The following ERBB4 variants were observed in gnomAD, a reference collection of about 807,000 sequenced individuals.
ERBB4 encodes erb-b2 receptor tyrosine kinase 4.
In ERBB4, 42 loss-of-function variants were observed where a neutral mutation model predicts 158.0. The observed-to-expected ratio is 0.27, with a 90% CI of 0.21 to 0.34. The LOEUF is 0.34. Ranked by LOEUF, ERBB4 falls within the 10% of genes least tolerant of loss-of-function variation. The pLI, the probability that ERBB4 is intolerant of heterozygous loss-of-function variation, is 1.00. For missense variants in ERBB4, 1,333 were observed against 1,624.1 expected, an observed-to-expected ratio of 0.82 and a Z score of 3.08; for synonymous variants, 583 against 558.7, an observed-to-expected ratio of 1.04 and a Z score of -0.61.
At chr2:211,746,878 G>A (rs1443609275) in intron 5 of ERBB4, among the ~76,000 whole-genome samples, 5 of 150,136 alleles carry the variant, frequency 3.3e-5, no homozygotes, top group African/African-American at 4.9e-5. Flanking sequence ...GAAGAACATC[G>A]TGTTTCTTAT....
chr2:211,473,206 T>G (rs1183956337), intron 20 of ERBB4, among the ~76,000 whole-genome samples: 1 of 151,970 alleles, frequency 6.6e-6, no homozygotes, highest in Admixed American at 6.6e-5. Context: ...GATGTGAAGA[T>G]AGAGGCAAAG....
At chr2:211,553,380 A>G (rs2067155519) in intron 20 of ERBB4, among the ~76,000 whole-genome samples, 1 of 152,124 alleles carries the variant, frequency 6.6e-6, no homozygotes, top group African/African-American at 2.4e-5. Context: ...CCTTGTTCCA[A>G]AGGCAAAAAA....
chr2:211,433,862 G>A (rs936944807), intron 20 of ERBB4, among the ~76,000 whole-genome samples: 6 of 151,948 alleles, frequency 3.9e-5, no homozygotes, highest in Non-Finnish European at 7.4e-5. Context: ...AGGGCAATCC[G>A]ACCCCATTTT....
intron 4 of ERBB4, among the ~76,000 whole-genome samples, chr2:211,762,995 T>G (rs1487918865): frequency 6.6e-6 from 1 of 152,186 alleles, no homozygotes; most frequent in Non-Finnish European, 1.5e-5. Flanking sequence ...ATTATTTGCC[T>G]GTTTTTTGTT....
chr2:211,872,382 G>T (rs2078374417), intron 3 of ERBB4, among the ~76,000 whole-genome samples: 1 of 152,090 alleles, frequency 6.6e-6, no homozygotes, highest in Non-Finnish European at 1.5e-5. Context: ...GTATGGTTTT[G>T]AGTGGAAGCC....
intron 20 of ERBB4, among the ~76,000 whole-genome samples, chr2:211,512,170 A>G (rs2065899597): frequency 6.6e-6 from 1 of 152,180 alleles, no homozygotes; most frequent in Admixed American, 6.5e-5. Flanking sequence ...GTGAACTGCA[A>G]GTTGAAGAAC....
intron 1 of ERBB4, among the ~76,000 whole-genome samples, chr2:212,177,363 T>C (rs1302418245): frequency 3.3e-5 from 5 of 151,916 alleles, no homozygotes; most frequent in African/African-American, 1.2e-4. Context: ...AATCAAATAA[T>C]TAAATTGAAA....
At chr2:211,577,946 G>A (rs2067942891) in intron 19 of ERBB4, among the ~76,000 whole-genome samples, 1 of 152,076 alleles carries the variant, frequency 6.6e-6, no homozygotes, top group Non-Finnish European at 1.5e-5. Context: ...ACATAGTATT[G>A]GAAGTTCTGG....
chr2:212,514,612 C>A (rs1336851013), intron 1 of ERBB4, among the ~76,000 whole-genome samples: 2 of 152,096 alleles, frequency 1.3e-5, no homozygotes, highest in East Asian at 3.9e-4. Context: ...CAAGACCATC[C>A]TGGCCAACAT....
intron 1 of ERBB4, among the ~76,000 whole-genome samples, chr2:212,194,193 T>C (rs1011452213): frequency 6.6e-6 from 1 of 151,620 alleles, no homozygotes; most frequent in African/African-American, 2.4e-5. Context: ...ACGGACAGAA[T>C]AGAACAAAGG....
At chr2:212,074,117 T>A (rs897960459) in intron 2 of ERBB4, among the ~76,000 whole-genome samples, 4 of 152,096 alleles carry the variant, frequency 2.6e-5, no homozygotes, top group African/African-American at 9.6e-5. Context: ...AGGCAAAAAT[T>A]CTGCCAAAAC....
At chr2:211,693,937 T>G (rs557228119) in intron 12 of ERBB4, among the ~76,000 whole-genome samples, 2 of 152,248 alleles carry the variant, frequency 1.3e-5, no homozygotes, top group African/African-American at 4.8e-5. Context: ...CAATAGTCGC[T>G]TCTGCTGTCA....
chr2:212,110,428 T>C (rs771084799), intron 2 of ERBB4, among the ~76,000 whole-genome samples: 1 of 152,206 alleles, frequency 6.6e-6, no homozygotes, highest in Non-Finnish European at 1.5e-5. Context: ...CTCTGCTTCC[T>C]TAGGAAGGAT....
At chr2:211,884,882 T>A (rs7600260) in intron 3 of ERBB4, among the ~76,000 whole-genome samples, 21,621 of 152,196 alleles carry the variant, frequency 0.14, 1,899 homozygotes, top group African/African-American at 0.24. Flanking sequence ...ATTCTAAACA[T>A]AATTATAATA....
At chr2:212,114,096 T>C (rs952187850) in intron 2 of ERBB4, among the ~76,000 whole-genome samples, 12 of 152,228 alleles carry the variant, frequency 7.9e-5, no homozygotes, top group African/African-American at 2.9e-4. Flanking sequence ...GAACTAGACA[T>C]GGGCTTTGTC....
chr2:211,815,161 C>T (rs1324280989), intron 3 of ERBB4, among the ~76,000 whole-genome samples: 1 of 152,298 alleles, frequency 6.6e-6, no homozygotes, highest in Admixed American at 6.5e-5. Flanking sequence ...ATGCTTGCTA[C>T]ATTTCAACGC....
intron 3 of ERBB4, among the ~76,000 whole-genome samples, chr2:211,896,625 G>T (rs1489301014): frequency 6.6e-6 from 1 of 152,034 alleles, no homozygotes; most frequent in Admixed American, 6.6e-5. Context: ...TCTTGAGAAG[G>T]TTGGTATCAT....
chr2:211,799,461 T>C (rs2076451879), intron 3 of ERBB4, among the ~76,000 whole-genome samples: 4 of 152,182 alleles, frequency 2.6e-5, no homozygotes, highest in Admixed American at 2.6e-4. Context: ...AATTCTAACA[T>C]GTCTAACAAT....
At chr2:212,330,161 A>C (rs937081708) in intron 1 of ERBB4, among the ~76,000 whole-genome samples, 1 of 152,104 alleles carries the variant, frequency 6.6e-6, no homozygotes, top group African/African-American at 2.4e-5. Flanking sequence ...TTCATGGGCC[A>C]CTTAGGGCTT....
Sources: gnomAD v4.1 joint callset for allele counts (sites outside exome capture counted in the v4.1 genomes callset) on GRCh38, gnomAD v4.1.1 for gene constraint, MANE v1.5 for transcripts, NCBI Gene and HGNC (gene_info 2026-07-23, HGNC 2026-07-21) for gene names.